WWOX: variants seen among roughly 807,000 people sequenced by gnomAD.
WWOX encodes the protein WW domain containing oxidoreductase.
A neutral mutation model predicts 46.2 loss-of-function variants in WWOX; 69 were observed. The observed-to-expected ratio is 1.49, with a 90% CI of 1.23 to 1.82. The LOEUF is 1.82. Among genes scored for constraint, WWOX ranks in the 40% most tolerant of loss-of-function variants. WWOX has a pLI of 0.00. For synonymous variants in WWOX, 359 were observed against 202.6 expected (o/e 1.77, Z -6.56); for missense variants, 919 against 542.6 (o/e 1.69, Z -6.89).
intron 1 of WWOX, among the ~76,000 whole-genome samples, chr16:78,101,780 G>GAC (rs1201324136): frequency 6.6e-6 from 1 of 152,204 alleles, no homozygotes; most frequent in African/African-American, 2.4e-5. Context: ...GTTCATTCAA[G>GAC]ACACACACAG....
intron 8 of WWOX, among the ~76,000 whole-genome samples, chr16:78,874,684 CTTTTTTTT>C (rs552696627): frequency 8.4e-5 from 7 of 83,494 alleles, no homozygotes; most frequent in Non-Finnish European, 1.1e-4. Flanking sequence ...AGATTTTTTT[CTTTTTTTT>C]TTTTTTTTTT....
intron 4 of WWOX, among the ~76,000 whole-genome samples, chr16:78,153,876 G>A (rs766951584): frequency 4.6e-5 from 7 of 152,116 alleles, no homozygotes; most frequent in African/African-American, 1.2e-4. Flanking sequence ...TCCTGGCATC[G>A]GGGAAAGAAG....
At chr16:78,428,765 C>G (rs1027039223) in intron 7 of WWOX, among the ~76,000 whole-genome samples, 12 of 152,120 alleles carry the variant, frequency 7.9e-5, no homozygotes, top group Non-Finnish European at 1.8e-4. Context: ...ACCAGCTACT[C>G]AGGAAGCTGA....
At chr16:78,933,170 G>T (rs1345353188) in intron 8 of WWOX, among the ~76,000 whole-genome samples, 1 of 152,224 alleles carries the variant, frequency 6.6e-6, no homozygotes, top group African/African-American at 2.4e-5. Context: ...CTGGCGTGGT[G>T]GCTCACGCCT....
chr16:79,208,662 C>G (rs879807642), intron 8 of WWOX, among the ~76,000 whole-genome samples: 1 of 145,782 alleles, frequency 6.9e-6, no homozygotes, highest in Non-Finnish European at 1.5e-5. Context: ...AGAATGCTTT[C>G]TCTTTTATTG....
At chr16:78,712,521 T>C (rs551608955) in intron 8 of WWOX, among the ~76,000 whole-genome samples, 58 of 151,770 alleles carry the variant, frequency 3.8e-4, no homozygotes, top group African/African-American at 1.2e-3. Context: ...AAAAGTCTTA[T>C]ATTGATTAAA....
Position 78,099,787 on chromosome 16 carries a change from G to T in WWOX, c.9G>T (p.Ala3=). The change falls in exon 1 of 9, where the codon GCG becomes GCT. Residue 3 remains alanine (A), a synonymous_variant. Transcript: ENST00000566780. Reference sequence around the variant, plus strand: ...TGCCTCCACAGTCAGCCATGGCAGCGCTGCGCTACGCGGGGCTGGACGACA... The same window carrying T: ...TGCCTCCACAGTCAGCCATGGCAGCTCTGCGCTACGCGGGGCTGGACGACA... MA[A]LRYAGLDDTD... is the part of the protein sequence containing the mutation. 1 of 1,556,772 alleles carries T rather than the reference G, an allele frequency of 6.4e-7. No individual in the cohort carries two copies. Among genetic ancestry groups the T allele is most frequent in the Non-Finnish European group, 8.7e-7 (1 of 1,152,862 alleles).
At chr16:78,811,160 A>G (rs985159929) in intron 8 of WWOX, among the ~76,000 whole-genome samples, 3 of 152,234 alleles carry the variant, frequency 2.0e-5, no homozygotes, top group African/African-American at 7.2e-5. Flanking sequence ...GTAATTCAGT[A>G]TCCGAAAAAC....
intron 8 of WWOX, among the ~76,000 whole-genome samples, chr16:78,463,246 C>G (rs9673643): frequency 0.033 from 5,071 of 152,246 alleles, 284 homozygotes; most frequent in African/African-American, 0.11. Flanking sequence ...TTTAGGTGCA[C>G]TGCGCATGTT....
At chr16:79,098,391 A>G (rs747373360) in intron 8 of WWOX, among the ~76,000 whole-genome samples, 20 of 152,168 alleles carry the variant, frequency 1.3e-4, no homozygotes, top group Admixed American at 3.3e-4. Flanking sequence ...CTGCTTCTTA[A>G]CCAGCAGAAG....
intron 5 of WWOX, among the ~76,000 whole-genome samples, chr16:78,333,142 C>T (rs573480768): frequency 2.3e-3 from 340 of 144,758 alleles, no homozygotes; most frequent in African/African-American, 7.6e-3. Flanking sequence ...CCTTCGCCTC[C>T]CAGGTTCAGG....
intron 8 of WWOX, among the ~76,000 whole-genome samples, chr16:78,791,018 C>CAAAAA (rs775592585): frequency 5.3e-4 from 33 of 62,336 alleles, no homozygotes; most frequent in Admixed American, 1.1e-3. Flanking sequence ...GACCCTGTCT[C>CAAAAA]AAAAAAAAAA....
intron 8 of WWOX, among the ~76,000 whole-genome samples, chr16:79,109,620 C>G (rs182930833): frequency 6.6e-6 from 1 of 152,140 alleles, no homozygotes; most frequent in Non-Finnish European, 1.5e-5. Flanking sequence ...TTTATTTCCA[C>G]CAATGGAGAA....
rs58142627 is a variant in WWOX at position 78,747,214 on chromosome 16, G to A, written c.1056+314462G>A. ...CATTTTTTTTTTTTTTTTTTGAGATGGAGTCTCGCTCTTGTCATGCAGGCT... is the reference window on the plus strand; with the variant it reads ...CATTTTTTTTTTTTTTTTTTGAGATAGAGTCTCGCTCTTGTCATGCAGGCT... On this transcript the variant is annotated intron_variant, in intron 8 of 8. Coordinates refer to ENST00000566780, the MANE Select transcript of WWOX (RefSeq NM_016373.4). Among the ~76,000 whole-genome samples, 313 of 140,916 alleles carry A rather than the reference G, an allele frequency of 2.2e-3. 1 individual carries two copies. Among genetic ancestry groups the A allele is most frequent in the African/African-American group, 7.9e-3 (304 of 38,688 alleles). 92.4% of individuals were successfully genotyped at this position (140,916 alleles called of 152,430 possible).
intron 8 of WWOX, among the ~76,000 whole-genome samples, chr16:78,767,088 C>G (rs1375438353): frequency 7.8e-6 from 1 of 127,850 alleles, no homozygotes; most frequent in Non-Finnish European, 1.6e-5. Context: ...CTCCTTCTCT[C>G]TCTCCTTTCC....
chr16:78,803,718 C>G (rs2050955536), intron 8 of WWOX, among the ~76,000 whole-genome samples: 1 of 152,142 alleles, frequency 6.6e-6, no homozygotes, highest in South Asian at 2.1e-4. Context: ...CCTGGCCTCC[C>G]AAAGTGCAGG....
intron 8 of WWOX, among the ~76,000 whole-genome samples, chr16:78,832,966 C>G (rs1448956586): frequency 1.3e-5 from 2 of 151,824 alleles, no homozygotes; most frequent in East Asian, 1.9e-4. Flanking sequence ...TGCTATGTCC[C>G]CATTGGTGTT....
chr16:79,046,096 C>G (rs1332213996), intron 8 of WWOX, among the ~76,000 whole-genome samples: 1 of 152,102 alleles, frequency 6.6e-6, no homozygotes, highest in Non-Finnish European at 1.5e-5. Context: ...GCCACTGCAC[C>G]CGGCCACAGT....
intron 8 of WWOX, among the ~76,000 whole-genome samples, chr16:78,655,964 G>T (rs557643045): frequency 6.6e-6 from 1 of 152,142 alleles, no homozygotes; most frequent in African/African-American, 2.4e-5. Context: ...CTGGGGAGAA[G>T]CCTTGGTTTT....
Sources: gnomAD v4.1 joint callset for allele counts (sites outside exome capture counted in the v4.1 genomes callset) on GRCh38, gnomAD v4.1.1 for gene constraint, MANE v1.5 for transcripts, NCBI Gene and HGNC (gene_info 2026-07-23, HGNC 2026-07-21) for gene names.